The following ZNF541 variants were observed in gnomAD, a reference collection of about 807,000 sequenced individuals.
The protein encoded by ZNF541 is zinc finger protein 541.
ZNF541 carries 23 observed loss-of-function variants against 123.5 expected under a neutral mutation model. The observed-to-expected ratio is 0.19, with a 90% confidence interval of 0.13 to 0.26. The LOEUF (loss-of-function observed/expected upper bound fraction) is 0.26. Among genes scored for constraint, ZNF541 ranks in the 10% least tolerant of loss-of-function variants. The pLI is 1.00. For missense variants in ZNF541, 1,612 were observed against 1,789.9 expected, an observed-to-expected ratio of 0.90 and a Z score of 1.79; for synonymous variants, 751 against 754.5, an observed-to-expected ratio of 1.00 and a Z score of 0.08.
Position 47,520,753 on chromosome 19 carries a change from A to G in ZNF541, c.*471T>C, listed in dbSNP as rs551041754. ...TACAAAAAACACCGAACAATGCAGA[A>G]TTCATCGCAAGACTAGGGACTGAAT... On this transcript the variant is annotated 3_prime_UTR_variant, in exon 17 of 17. Transcript: ENST00000391901. 144 of 157,476 alleles carry G rather than the reference A, an allele frequency of 9.1e-4. 1 individual carries two copies. Among genetic ancestry groups the G allele is most frequent in the African/African-American group, 3.4e-3 (140 of 41,652 alleles). 9.8% of individuals were successfully genotyped at this position (157,476 alleles called of 1,614,324 possible).
chr19:47,542,374 G>A (rs1288738247), intron 5 of ZNF541, among the ~76,000 whole-genome samples: 1 of 152,150 alleles, frequency 6.6e-6, no homozygotes, highest in African/African-American at 2.4e-5. Flanking sequence ...GGTGTATTCA[G>A]GCCAGGCACC....
chr19:47,529,760 C>T (rs921834194), intron 12 of ZNF541, 108 bp from the exon 13 acceptor site: 4 of 1,062,194 alleles, frequency 3.8e-6, no homozygotes, highest in African/African-American at 3.1e-5. Flanking sequence ...GAAGACACTG[C>T]CTGTCCCAGG....
Position 47,555,962 on chromosome 19 carries a change from T to C in ZNF541, c.-98-8A>G. ...CTTGATGGCAACTAATTCCTGAAAA[T>C]GAAGCAAGAAGAATGAAAGTTATTA... On this transcript the variant is annotated splice_polypyrimidine_tract_variant and splice_region_variant and intron_variant, in intron 2 of 16. Transcript: ENST00000391901. 8.4e-7 allele frequency: 1 copy of C among 1,183,482 alleles called. No homozygotes were observed. The highest frequency in any genetic ancestry group is 1.2e-6 in the Non-Finnish European group (1 of 856,996). The allele number at this position is 1,183,482 out of a possible 1,614,324, so 73.3% of individuals were successfully genotyped here.
Position 47,521,199 on chromosome 19 carries a change from C to A in ZNF541, c.*25G>T. 6.5e-7 allele frequency: 1 copy of A among 1,548,112 alleles called. No individual in the cohort carries two copies. Among genetic ancestry groups the A allele is most frequent in the Non-Finnish European group, 8.7e-7 (1 of 1,144,914 alleles). ...GGGAGGAGGGGCAGCACTGGAGGCCCCATTCGGACTTGCTGCCACGGGAGT... is the reference window on the plus strand; with the variant it reads ...GGGAGGAGGGGCAGCACTGGAGGCCACATTCGGACTTGCTGCCACGGGAGT... On this transcript the variant is annotated 3_prime_UTR_variant, in exon 17 of 17. Transcript: ENST00000391901. The surrounding 1 kb of genome is among the most constrained non-coding windows in gnomAD (Gnocchi z 4.2).
chr19:47,530,873 A>C (rs1969535516), intron 12 of ZNF541, among the ~76,000 whole-genome samples: 1 of 150,964 alleles, frequency 6.6e-6, no homozygotes, highest in African/African-American at 2.4e-5. Context: ...CTGGTCTCGA[A>C]CTCCTGAGCT....
intron 2 of ZNF541, among the ~76,000 whole-genome samples, chr19:47,558,182 C>T (rs373727969): frequency 1.1e-3 from 166 of 152,134 alleles, no homozygotes; most frequent in Middle Eastern, 0.01. Flanking sequence ...TTTGGGAGAC[C>T]GAGGTGGGCG....
intron 2 of ZNF541, among the ~76,000 whole-genome samples, chr19:47,558,985 C>T (rs1230986328): frequency 1.3e-5 from 2 of 151,640 alleles, no homozygotes; most frequent in African/African-American, 2.4e-5. Flanking sequence ...ACCTCGTGAT[C>T]CACCCGCCTC....
chr19:47,557,736 G>A (rs1411775284), intron 2 of ZNF541, among the ~76,000 whole-genome samples: 1 of 152,016 alleles, frequency 6.6e-6, no homozygotes, highest in Non-Finnish European at 1.5e-5. Context: ...CTATTCAGAA[G>A]GCTGAGGCAG....
At chr19:47,548,536 G>A (rs775736937) in intron 4 of ZNF541, among the ~76,000 whole-genome samples, 3 of 151,360 alleles carry the variant, frequency 2.0e-5, no homozygotes, top group Non-Finnish European at 2.9e-5. Flanking sequence ...TTCCTGTCTC[G>A]TGCTATCCCA....
chr19:47,554,474 C>T (rs139470427), intron 3 of ZNF541, among the ~76,000 whole-genome samples: 13 of 152,230 alleles, frequency 8.5e-5, no homozygotes, highest in South Asian at 2.1e-4. Context: ...ACGAATATCT[C>T]GCCAGTGCTT....
rs1414954622 is a variant in ZNF541 at position 47,540,051 on chromosome 19, C to T, written c.2622+125G>A. ...GGCCTGCCCCTGGAGAGCCACACAGCCTGACTCCAGCCCCCGACCCAGAGT... is the reference window on the plus strand; with the variant it reads ...GGCCTGCCCCTGGAGAGCCACACAGTCTGACTCCAGCCCCCGACCCAGAGT... On this transcript the variant is annotated intron_variant, in intron 7 of 16. Coordinates refer to ENST00000391901, the MANE Select transcript of ZNF541 (RefSeq NM_001277075.3). The T allele has an allele frequency of 2.8e-6, 4 of 1,431,520 alleles. No homozygotes were observed. In the East Asian group the frequency reaches 7.6e-5, roughly 27 times the overall value. 88.7% of individuals were successfully genotyped at this position (1,431,520 alleles called of 1,614,324 possible). A position where few individuals can be genotyped will look rare whatever the true frequency, so the allele number is the denominator to read the frequency against.
chr19:47,535,622 T>A (rs1969779855), intron 9 of ZNF541, among the ~76,000 whole-genome samples: 1 of 152,116 alleles, frequency 6.6e-6, no homozygotes, highest in African/African-American at 2.4e-5. Flanking sequence ...GCTGAGAACA[T>A]AAATCCACAC....
chr19:47,524,324 T>C (rs1443370617), intron 14 of ZNF541, among the ~76,000 whole-genome samples: 1 of 152,100 alleles, frequency 6.6e-6, no homozygotes, highest in Admixed American at 6.6e-5. Context: ...AAACCCAATG[T>C]ATCAAAGTCA....
At chr19:47,526,598 G>A (rs1306404956) in intron 14 of ZNF541, among the ~76,000 whole-genome samples, 1 of 151,710 alleles carries the variant, frequency 6.6e-6, no homozygotes, top group African/African-American at 2.4e-5. Context: ...ATGAAAAGAT[G>A]CTCAGCATCG....
intron 2 of ZNF541, among the ~76,000 whole-genome samples, chr19:47,568,943 T>G (rs1424498817): frequency 6.6e-6 from 1 of 152,176 alleles, no homozygotes; most frequent in African/African-American, 2.4e-5. Context: ...ATGCTAGGAT[T>G]ACAGGCGTGA....
intron 5 of ZNF541, among the ~76,000 whole-genome samples, chr19:47,542,801 C>A (rs1458079868): frequency 1.3e-5 from 2 of 152,052 alleles, no homozygotes; most frequent in African/African-American, 4.8e-5. Flanking sequence ...CAAAAATTAG[C>A]CAGATGTGGT....
Position 47,555,777 on chromosome 19 carries a change from A to T in ZNF541, c.80T>A (p.Leu27His). The change falls in exon 3 of 17, where the codon CTC (leucine) becomes CAC (histidine). Residue 27 changes from leucine to histidine, a missense_variant. Leu to His is a moderately conservative substitution (Grantham distance 99). Around this residue, in one of 5 missense-constraint regions of ZNF541, gnomAD observed 212 missense variants for 289.6 expected, o/e 0.73. Transcript: ENST00000391901. ...HLPSFSESQG[L>H]NCSDTLNRDL... The stretch of plus-strand genomic sequence containing the variant: ...CCGGTTGAGGGTGTCGCTGCAGTTG[A>T]GCCCTTGGCTCTCTGAAAATGAAGG... 6.4e-7 allele frequency: 1 copy of T among 1,551,654 alleles called. No homozygotes were observed. Among genetic ancestry groups the T allele is most frequent in the East Asian group, 2.4e-5 (1 of 40,918 alleles).
rs1352284485 is a variant in ZNF541, at chr19:47,521,431, G to GCTT, written c.3887+47_3887+48insAAG. 2.6e-6 allele frequency: 4 copies of GCTT among 1,550,530 alleles called. No individual in the cohort carries two copies. The South Asian group carries it at 3.6e-5, about 14-fold the overall frequency. On this transcript the variant is annotated intron_variant, in intron 16 of 16. Transcript: ENST00000391901. The surrounding 1 kb of genome is among the most constrained non-coding windows in gnomAD (Gnocchi z 4.2). ...AGAGCAGGGAGGAAGGGATCACAGG[G>GCTT]GCTGAGGCTGGGAGCCCTGGGAGTG...
Position 47,544,307 on chromosome 19 carries a change from C to G in ZNF541, c.2222G>C (p.Gly741Ala). The G allele has an allele frequency of 6.4e-7, 1 of 1,551,652 alleles. No individual in the cohort carries two copies. Among genetic ancestry groups the G allele is most frequent in the South Asian group, 1.2e-5 (1 of 84,070 alleles). ...GGGGTTGCCCAAGAGCCGGTAGCCT[C>G]CACCCCGGGAGCAGGCTGGGCCCTT... is the stretch of plus-strand genomic sequence containing the variant. ...GEKGPACSRG[G>A]GYRLLGNPRA... Residue 741 changes from glycine (G) to alanine (A), a missense_variant, in exon 5 of 17, where the codon GGA becomes GCA. This residue lies in a region of ZNF541 where 1,080 missense variants were observed against 1,013.8 expected (regional missense o/e 1.07). Transcript: ENST00000391901.
Sources: allele counts gnomAD v4.1 joint callset (sites outside exome capture counted in the v4.1 genomes callset), GRCh38; gene constraint gnomAD v4.1.1; regional missense constraint gnomAD v4.1.1; non-coding constraint Gnocchi (gnomAD v3.1); transcripts MANE v1.5; gene names NCBI Gene and HGNC (gene_info 2026-07-23, HGNC 2026-07-21).